ARID1B: variants seen among roughly 807,000 people sequenced by gnomAD.
ARID1B encodes AT-rich interactive domain-containing protein 1B.
Under a neutral mutation model 212.3 loss-of-function variants are expected in ARID1B, and 30 were observed. The ratio of observed to expected loss-of-function variants is 0.14; its 90% CI spans 0.11 to 0.19. The LOEUF (loss-of-function observed/expected upper bound fraction) is 0.19, where lower values mean the gene tolerates loss of function less well. Ranked by LOEUF, ARID1B falls within the 10% of genes least tolerant of loss-of-function variation. ARID1B has a pLI of 1.00. For missense variants in ARID1B, 2,891 were observed against 3,204.0 expected (o/e 0.90, Z 2.36); for synonymous variants, 1,402 against 1,301.7 (o/e 1.08, Z -1.66).
chr6:156,971,813 A>T (rs62422639), intron 4 of ARID1B, among the ~76,000 whole-genome samples: 48,157 of 151,746 alleles, frequency 0.32, 7,756 homozygotes, highest in African/African-American at 0.34. Flanking sequence ...CCTGCTTAGA[A>T]CGGGCCTACC....
intron 2 of ARID1B, among the ~76,000 whole-genome samples, chr6:156,843,750 T>A (rs889300745): frequency 6.6e-5 from 10 of 152,204 alleles, no homozygotes; most frequent in African/African-American, 2.4e-4. Flanking sequence ...TCGAATAAAT[T>A]GAGAGAATAT....
At chr6:156,809,872 C>T (rs1045545029) in intron 1 of ARID1B, among the ~76,000 whole-genome samples, 1 of 152,098 alleles carries the variant, frequency 6.6e-6, no homozygotes, top group African/African-American at 2.4e-5. Flanking sequence ...AAAGTCAGCT[C>T]TGTGGAGGTG....
chr6:156,921,114 C>G (rs1790748836), intron 3 of ARID1B, among the ~76,000 whole-genome samples: 1 of 152,060 alleles, frequency 6.6e-6, no homozygotes, highest in Admixed American at 6.6e-5. Flanking sequence ...GTTCTCATGT[C>G]TGCTTTCCTT....
chr6:157,141,887 T>G (rs527238809), intron 7 of ARID1B, among the ~76,000 whole-genome samples: 3 of 152,346 alleles, frequency 2.0e-5, no homozygotes, highest in Admixed American at 6.5e-5. Flanking sequence ...AACACGTACT[T>G]ACCATACAGC....
At chr6:157,108,167 T>C (rs530536860) in intron 5 of ARID1B, among the ~76,000 whole-genome samples, 2 of 152,360 alleles carry the variant, frequency 1.3e-5, no homozygotes, top group East Asian at 3.9e-4. Context: ...AAAGCTCTTG[T>C]ATCTTTAACA....
At chr6:157,174,484 A>G (rs1210412309) in intron 10 of ARID1B, among the ~76,000 whole-genome samples, 1 of 151,670 alleles carries the variant, frequency 6.6e-6, no homozygotes, top group Non-Finnish European at 1.5e-5. Flanking sequence ...CAACAACAAC[A>G]TACTTAATAT....
At position 156,976,728 on chromosome 6, in the gene ARID1B, G is replaced by A. The variant is rs115036880; in HGVS notation, c.2247+41152G>A. On this transcript the variant is annotated intron_variant, in intron 4 of 19. Coordinates refer to ENST00000636930, the MANE Select transcript of ARID1B (RefSeq NM_001374828.1). ...CTGGTCCGTGGACTCTTTTTAAGCT[G>A]TAACACTCACCGTGAAGGTCCGCAG... The A allele has an allele frequency of 6.5e-3, 3,012 of 460,708 alleles. 79 individuals are homozygous for A. Among genetic ancestry groups the A allele is most frequent in the African/African-American group, 0.056 (2,789 of 50,092 alleles). 28.5% of individuals were successfully genotyped at this position (460,708 alleles called of 1,614,324 possible).
At chr6:157,019,417 TGAA>T (rs1427577812) in intron 4 of ARID1B, among the ~76,000 whole-genome samples, 1 of 152,220 alleles carries the variant, frequency 6.6e-6, no homozygotes, top group Non-Finnish European at 1.5e-5. Context: ...GTCATATACA[TGAA>T]GAAGCTGAGG....
At chr6:156,934,171 CT>C (rs574359914) in intron 3 of ARID1B, among the ~76,000 whole-genome samples, 1 of 152,164 alleles carries the variant, frequency 6.6e-6, no homozygotes, top group Non-Finnish European at 1.5e-5. Context: ...ATTTTCCATT[CT>C]TTTTTTCTCT....
intron 2 of ARID1B, among the ~76,000 whole-genome samples, chr6:156,874,675 G>T (rs1447610721): frequency 6.6e-6 from 1 of 151,940 alleles, no homozygotes. Flanking sequence ...CACAAACCCC[G>T]CCTTCTTAAA....
intron 8 of ARID1B, among the ~76,000 whole-genome samples, chr6:157,160,960 C>T (rs543221506): frequency 6.6e-6 from 1 of 152,212 alleles, no homozygotes; most frequent in Admixed American, 6.5e-5. Flanking sequence ...GTCGCAACTT[C>T]GCACTCGCTG....
intron 4 of ARID1B, among the ~76,000 whole-genome samples, chr6:157,067,940 TG>T (rs1425041078): frequency 6.6e-6 from 1 of 152,222 alleles, no homozygotes; most frequent in African/African-American, 2.4e-5. Flanking sequence ...ATACCCCATA[TG>T]TTTAAGACCT....
At chr6:157,100,637 T>C (rs1180355728) in intron 5 of ARID1B, among the ~76,000 whole-genome samples, 1 of 152,250 alleles carries the variant, frequency 6.6e-6, no homozygotes, top group Non-Finnish European at 1.5e-5. Context: ...AAATGTATTT[T>C]TCATTTACAC....
chr6:156,970,084 T>C (rs1776816580), intron 4 of ARID1B, among the ~76,000 whole-genome samples: 1 of 144,490 alleles, frequency 6.9e-6, no homozygotes. Flanking sequence ...TTGTTTTGTT[T>C]TGTTTTGTTT....
chr6:157,142,673 G>A (rs762155961), intron 7 of ARID1B, among the ~76,000 whole-genome samples: 1 of 152,118 alleles, frequency 6.6e-6, no homozygotes, highest in Non-Finnish European at 1.5e-5. Flanking sequence ...ACAATATTTT[G>A]TAGTAACTGT....
Position 157,133,212 on chromosome 6 carries a change from A to G in ARID1B, c.2761+5A>G. On this transcript the variant is annotated splice_donor_5th_base_variant and intron_variant, in intron 7 of 19. Coordinates refer to ENST00000636930, the MANE Select transcript of ARID1B (RefSeq NM_001374828.1). ...TGAGCCAGTATGGACCACAAGGTAAAACCAAAGCTTCTCCAAAATGCATGG... is the reference window on the plus strand; with the variant it reads ...TGAGCCAGTATGGACCACAAGGTAAGACCAAAGCTTCTCCAAAATGCATGG... 6.3e-7 allele frequency: 1 copy of G among 1,578,400 alleles called. No homozygotes were observed. The highest frequency in any genetic ancestry group is 8.6e-7 in the Non-Finnish European group (1 of 1,166,610).
chr6:156,828,823 C>G (rs1191240566), intron 1 of ARID1B, among the ~76,000 whole-genome samples: 2 of 152,214 alleles, frequency 1.3e-5, no homozygotes, highest in African/African-American at 4.8e-5. Context: ...TCTAAGAATA[C>G]TTTGAAGGCA....
At chr6:156,889,665 C>G (rs1219852241) in intron 2 of ARID1B, among the ~76,000 whole-genome samples, 1 of 152,092 alleles carries the variant, frequency 6.6e-6, no homozygotes, top group Non-Finnish European at 1.5e-5. Flanking sequence ...TGTGTACAGC[C>G]GTGTTTGCTG....
At chr6:156,945,092 T>G (rs1400486427) in intron 4 of ARID1B, among the ~76,000 whole-genome samples, 2 of 133,958 alleles carry the variant, frequency 1.5e-5, no homozygotes, top group Non-Finnish European at 3.3e-5. Context: ...CGGGCTAATT[T>G]TTTTGTATAT....
Sources: gnomAD v4.1 joint callset for allele counts (sites outside exome capture counted in the v4.1 genomes callset) on GRCh38, gnomAD v4.1.1 for gene constraint, MANE v1.5 for transcripts, NCBI Gene and HGNC (gene_info 2026-07-23, HGNC 2026-07-21) for gene names.